The following GYS2 variants were observed in gnomAD, a reference collection of about 807,000 sequenced individuals.
The protein encoded by GYS2 is glycogen [starch] synthase, liver.
In GYS2, 80 loss-of-function variants were observed where a neutral mutation model predicts 85.6. That is an observed-to-expected ratio of 0.93 (90% CI 0.78 to 1.13). GYS2 has a LOEUF of 1.13. Ranked by LOEUF, GYS2 falls within the 50% of genes most tolerant of loss-of-function variation. The pLI is 0.00. For synonymous variants in GYS2, 328 were observed against 300.7 expected, an observed-to-expected ratio of 1.09 and a Z score of -0.94; for missense variants, 881 against 854.9, an observed-to-expected ratio of 1.03 and a Z score of -0.38.
Position 21,536,960 on chromosome 12 carries a change from C to T in GYS2, c.2106G>A (p.Lys702=). Residue 702 remains lysine (K), a synonymous_variant, in exon 16 of 16, where the codon AAG becomes AAA. Coordinates refer to ENST00000261195, the MANE Select transcript of GYS2 (RefSeq NM_021957.4). The part of the protein sequence containing the change: ...HGKKKLHGEY[K]N ...CATGCAGCACATGTAGAATTCAGTTCTTATATTCACCATGCAGCTTTTTCT... is the reference window on the plus strand; with the variant it reads ...CATGCAGCACATGTAGAATTCAGTTTTTATATTCACCATGCAGCTTTTTCT... The T allele has an allele frequency of 1.2e-6, 2 of 1,607,874 alleles. No individual in the cohort carries two copies. Among genetic ancestry groups the T allele is most frequent in the Non-Finnish European group, 8.5e-7 (1 of 1,174,424 alleles).
chr12:21,594,616 G>T (rs930856656), intron 1 of GYS2, among the ~76,000 whole-genome samples: 1 of 151,984 alleles, frequency 6.6e-6, no homozygotes, highest in Non-Finnish European at 1.5e-5. Context: ...CAAATGGAGA[G>T]ATATCCTATG....
intron 2 of GYS2, among the ~76,000 whole-genome samples, chr12:21,577,401 C>G (rs1241866275): frequency 6.6e-6 from 1 of 152,116 alleles, no homozygotes; most frequent in Non-Finnish European, 1.5e-5. Flanking sequence ...TGGCATTGAC[C>G]TCCAGTCAGT....
chr12:21,546,261 C>A, intron 12 of GYS2, 83 bp downstream of exon 12: 1 of 993,374 alleles, frequency 1.0e-6, no homozygotes, highest in Non-Finnish European at 1.4e-6. Flanking sequence ...AATTTAATAT[C>A]AACTTTGAAT....
intron 7 of GYS2, among the ~76,000 whole-genome samples, chr12:21,561,331 T>C (rs144949447): frequency 1.3e-5 from 2 of 152,294 alleles, no homozygotes; most frequent in East Asian, 3.9e-4. Context: ...CTTAAAATCA[T>C]GAACCTCTAT....
At chr12:21,558,895 T>C (rs1944216573) in intron 10 of GYS2, among the ~76,000 whole-genome samples, 196 bp downstream of exon 10, 1 of 152,206 alleles carries the variant, frequency 6.6e-6, no homozygotes, top group African/African-American at 2.4e-5. Context: ...ACAAGTTTCA[T>C]GAGATGTTTT....
rs763037728 is a variant in GYS2, at chr12:21,559,647, C to T, written c.1229+4G>A. On this transcript the variant is annotated splice_donor_region_variant and intron_variant, in intron 9 of 15. Transcript: ENST00000261195. ...TTGAAGTAGAAAGCATTTCAAGCAC[C>T]TACCTTAATAATGCATCATAGAGTT... is the stretch of plus-strand genomic sequence containing the variant. 6.7e-7 allele frequency: 1 copy of T among 1,503,426 alleles called. No individual in the cohort carries two copies. Among genetic ancestry groups the T allele is most frequent in the Admixed American group, 1.7e-5 (1 of 59,852 alleles). The allele number at this position is 1,503,426 out of a possible 1,614,324, so 93.1% of individuals were successfully genotyped here.
At chr12:21,535,073 A>G (rs575687345), downstream of GYS2, 5 of 152,354 alleles carry the variant, frequency 3.3e-5, no homozygotes, top group African/African-American at 1.2e-4. Flanking sequence ...GACTGAGTAC[A>G]GGATAGAAGG....
intron 7 of GYS2, among the ~76,000 whole-genome samples, chr12:21,561,612 A>G: frequency 6.6e-6 from 1 of 152,282 alleles, no homozygotes; most frequent in East Asian, 1.9e-4. Flanking sequence ...CTTCATATCT[A>G]TAAATAAAGT....
intron 12 of GYS2, 114 bp downstream of exon 12, chr12:21,546,229 GA>G: frequency 1.3e-6 from 1 of 784,966 alleles, no homozygotes; most frequent in East Asian, 3.0e-5. Context: ...TTTTAAAACT[GA>G]AGAATTGAAA....
In GYS2 at chr12:21,594,719, C is replaced by T. The variant is rs1314061330; in HGVS notation, c.121+9753G>A. Among the ~76,000 whole-genome samples, 6 of 152,168 alleles carry T rather than the reference C, an allele frequency of 3.9e-5. No individual in the cohort carries two copies. In the East Asian group the frequency reaches 1.2e-3, roughly 29 times the overall value. On this transcript the variant is annotated intron_variant, in intron 1 of 15. Coordinates refer to ENST00000261195, the MANE Select transcript of GYS2 (RefSeq NM_021957.4). ...ATGACCGCTATCAAAATAGCAATGT[C>T]ATTTTTCACAGAAATGGAAAAACCA...
At chr12:21,553,586 A>G (rs1944138768) in intron 11 of GYS2, among the ~76,000 whole-genome samples, 1 of 152,204 alleles carries the variant, frequency 6.6e-6, no homozygotes, top group Non-Finnish European at 1.5e-5. Context: ...GGGAATCCCT[A>G]TCCCTATTAA....
At chr12:21,587,683 T>A (rs939231362) in intron 1 of GYS2, among the ~76,000 whole-genome samples, 1 of 152,068 alleles carries the variant, frequency 6.6e-6, no homozygotes, top group Admixed American at 6.5e-5. Flanking sequence ...AGCAGCATGA[T>A]AACGAACTAG....
chr12:21,571,811 A>T (rs1008183838), intron 4 of GYS2, among the ~76,000 whole-genome samples: 6 of 152,096 alleles, frequency 3.9e-5, no homozygotes, highest in Middle Eastern at 3.4e-3. Context: ...AAATACAAAA[A>T]ATTAGCTGGC....
intron 1 of GYS2, among the ~76,000 whole-genome samples, chr12:21,587,254 G>A (rs1184871107): frequency 6.6e-6 from 1 of 152,176 alleles, no homozygotes; most frequent in Non-Finnish European, 1.5e-5. Context: ...CACTTTTCAG[G>A]TGATGGTCCA....
chr12:21,554,878 C>G (rs192322568), intron 11 of GYS2, among the ~76,000 whole-genome samples: 1 of 152,160 alleles, frequency 6.6e-6, no homozygotes, highest in African/African-American at 2.4e-5. Flanking sequence ...AAACACGGAT[C>G]AGCAAGGCAT....
chr12:21,571,490 C>A (rs753746820), intron 4 of GYS2, among the ~76,000 whole-genome samples: 1 of 152,064 alleles, frequency 6.6e-6, no homozygotes, highest in Non-Finnish European at 1.5e-5. Flanking sequence ...ACATATTAAT[C>A]AATAAAACAC....
intron 1 of GYS2, among the ~76,000 whole-genome samples, chr12:21,582,847 G>T (rs1458808054): frequency 6.6e-6 from 1 of 152,150 alleles, no homozygotes; most frequent in Non-Finnish European, 1.5e-5. Context: ...GGCATCAATT[G>T]TTTAGAGAGT....
Position 21,536,802 on chromosome 12 carries a change from G to C in GYS2, c.*152C>G, listed in dbSNP as rs936. 1.5e-6 allele frequency: 1 copy of C among 646,440 alleles called. No homozygotes were observed. The highest frequency in any genetic ancestry group is 2.7e-6 in the Non-Finnish European group (1 of 367,168). The allele number at this position is 646,440 out of a possible 1,614,324, so 40.0% of individuals were successfully genotyped here. The stretch of plus-strand genomic sequence containing the variant: ...GGATCTTATCCTAAATTACAAAATT[G>C]TCATTCACTCAATTTCTTCCACTTT... On this transcript the variant is annotated 3_prime_UTR_variant, in exon 16 of 16. Transcript: ENST00000261195.
At position 21,546,042 on chromosome 12, in the gene GYS2, A is replaced by G. The variant is rs1018711691; in HGVS notation, c.1549+302T>C. 4.7e-5 allele frequency among the ~76,000 whole-genome samples: 7 copies of G among 148,662 alleles called. No homozygotes were observed. In the Admixed American group the frequency reaches 4.8e-4, roughly 10 times the overall value. On this transcript the variant is annotated intron_variant, in intron 12 of 15. Transcript: ENST00000261195. Reference sequence around the variant, plus strand: ...ATAAATGGGGCAGATAGAGATAGCTAAATAAGATACAACCTTTATATCACA... The same window carrying G: ...ATAAATGGGGCAGATAGAGATAGCTGAATAAGATACAACCTTTATATCACA...
Sources: gnomAD v4.1 joint callset for allele counts (sites outside exome capture counted in the v4.1 genomes callset) on GRCh38, gnomAD v4.1.1 for gene constraint, MANE v1.5 for transcripts, NCBI Gene and HGNC (gene_info 2026-07-23, HGNC 2026-07-21) for gene names.